BARD1: variants seen among roughly 807,000 people sequenced by gnomAD.
BARD1 encodes BRCA1-associated RING domain protein 1.
In BARD1, 73 loss-of-function variants were observed where a neutral mutation model predicts 77.0. The observed-to-expected ratio is 0.95, with a 90% CI of 0.79 to 1.15. BARD1 has a LOEUF of 1.15. Among genes scored for constraint, BARD1 ranks in the 50% most tolerant of loss-of-function variants. The pLI is 0.00. For synonymous variants in BARD1, 384 were observed against 338.0 expected (o/e 1.14, Z -1.49); for missense variants, 993 against 938.8 (o/e 1.06, Z -0.75).
At chr2:214,736,160 T>C (rs1692557474) in intron 9 of BARD1, among the ~76,000 whole-genome samples, 2 of 152,070 alleles carry the variant, frequency 1.3e-5, no homozygotes, top group South Asian at 4.1e-4. Context: ...TAAAAACCTT[T>C]CTAATAAAGG....
At chr2:214,796,592 C>A (rs190150767) in intron 2 of BARD1, among the ~76,000 whole-genome samples, 1 of 152,126 alleles carries the variant, frequency 6.6e-6, no homozygotes, top group Non-Finnish European at 1.5e-5. Context: ...CCAACCCTGT[C>A]ATCATCTTGA....
chr2:214,782,004 C>A (rs7566806), intron 3 of BARD1, among the ~76,000 whole-genome samples: 2 of 151,740 alleles, frequency 1.3e-5, no homozygotes, highest in African/African-American at 4.8e-5. Context: ...AAAATTTACA[C>A]GGAAAAAGAA....
chr2:214,755,798 A>C (rs1451986408), intron 6 of BARD1, among the ~76,000 whole-genome samples: 1 of 152,164 alleles, frequency 6.6e-6, no homozygotes, highest in African/African-American at 2.4e-5. Context: ...TACAGACACA[A>C]AGCGTATGTT....
At chr2:214,779,163 G>A (rs141368868) in intron 4 of BARD1, among the ~76,000 whole-genome samples, 10 of 152,184 alleles carry the variant, frequency 6.6e-5, no homozygotes, top group African/African-American at 2.4e-4. Context: ...ATGTTGTAAG[G>A]TCCCTGCCTC....
At chr2:214,790,208 C>T (rs1336953084) in intron 3 of BARD1, among the ~76,000 whole-genome samples, 1 of 152,090 alleles carries the variant, frequency 6.6e-6, no homozygotes, top group African/African-American at 2.4e-5. Flanking sequence ...AAGGGTTACC[C>T]TGCTCTCCAT....
intron 7 of BARD1, among the ~76,000 whole-genome samples, chr2:214,751,117 GTA>G (rs1216095030): frequency 4.2e-3 from 68 of 16,248 alleles, no homozygotes; most frequent in African/African-American, 9.2e-3. Flanking sequence ...GTGTGTGTGT[GTA>G]TATATATATA....
chr2:214,807,531 A>G (rs1696329267), intron 1 of BARD1, among the ~76,000 whole-genome samples: 1 of 152,198 alleles, frequency 6.6e-6, no homozygotes, highest in African/African-American at 2.4e-5. Context: ...ACCAAACTCA[A>G]TACTTTACAT....
Position 214,728,745 on chromosome 2 carries a change from G to T in BARD1, c.2265C>A (p.Val755=), listed in dbSNP as rs13389324. ...TAAACCAGCTCGAAGGAGCCTTCCAGACTTTGCCCTGCCGAACCCTCTCTG... is the reference window on the plus strand; with the variant it reads ...TAAACCAGCTCGAAGGAGCCTTCCATACTTTGCCCTGCCGAACCCTCTCTG... ...YHPERVRQGK[V]WKAPSSWFID... The change falls in exon 11 of 11, where the codon GTC becomes GTA. Residue 755 remains valine (V), a synonymous_variant. Transcript: ENST00000260947. The T allele has an allele frequency of 6.2e-7, 1 of 1,614,056 alleles. No homozygotes were observed. The highest frequency in any genetic ancestry group is 1.3e-5 in the African/African-American group (1 of 74,920).
rs1020097535 is a variant in BARD1, at chr2:214,745,085, A to T, written c.1885T>A (p.Trp629Arg). 2.5e-6 allele frequency: 4 copies of T among 1,613,824 alleles called. No homozygotes were observed. Among genetic ancestry groups the T allele is most frequent in the Non-Finnish European group, 3.4e-6 (4 of 1,179,858 alleles). ...KCMLGILNGC[W>R]ILKFEWVKAC... Reference sequence around the variant, plus strand: ...CACTTACATTCAAATTTTAGAATCCAGCATCCATTGAGAATCCCAAGCATA... The same window carrying T: ...CACTTACATTCAAATTTTAGAATCCTGCATCCATTGAGAATCCCAAGCATA... Residue 629 changes from tryptophan (W) to arginine (R), a missense_variant, in exon 9 of 11, where the codon TGG (tryptophan) becomes AGG (arginine). By Grantham distance (101) the Trp-to-Arg change is moderately radical (BLOSUM62 -3). Coordinates refer to ENST00000260947, the MANE Select transcript of BARD1 (RefSeq NM_000465.4).
intron 9 of BARD1, among the ~76,000 whole-genome samples, chr2:214,742,568 C>T (rs1161369417): frequency 2.0e-5 from 3 of 152,032 alleles, no homozygotes; most frequent in African/African-American, 7.2e-5. Flanking sequence ...CTAAAAGAAC[C>T]ATTGATATTA....
intron 5 of BARD1, 50 bp from the exon 6 acceptor site, chr2:214,767,704 A>G (rs1694282261): frequency 2.0e-6 from 3 of 1,507,430 alleles, no homozygotes; most frequent in East Asian, 2.3e-5. Flanking sequence ...AGAAAGAGCA[A>G]TGGATGATAT....
chr2:214,763,892 A>G (rs1171716913), intron 6 of BARD1, among the ~76,000 whole-genome samples: 21 of 152,164 alleles, frequency 1.4e-4, no homozygotes, highest in Non-Finnish European at 4.4e-5. Flanking sequence ...GCAGGAATAA[A>G]TTTCATCTAT....
chr2:214,793,851 A>C (rs1226966079), intron 2 of BARD1, among the ~76,000 whole-genome samples: 1 of 152,170 alleles, frequency 6.6e-6, no homozygotes, highest in Non-Finnish European at 1.5e-5. Context: ...CATGCTGAGT[A>C]ACAGATAAAT....
intron 9 of BARD1, among the ~76,000 whole-genome samples, chr2:214,735,449 A>ACAT (rs1559378185): frequency 6.6e-6 from 1 of 152,162 alleles, no homozygotes; most frequent in Non-Finnish European, 1.5e-5. Context: ...AAGCACTGTG[A>ACAT]GTATTGATTT....
intron 9 of BARD1, among the ~76,000 whole-genome samples, chr2:214,736,389 A>G (rs540418498): frequency 6.6e-6 from 1 of 152,212 alleles, no homozygotes. Flanking sequence ...TTACGTAAGC[A>G]GGTATTCCCC....
At chr2:214,790,403 T>C (rs184397482) in intron 3 of BARD1, among the ~76,000 whole-genome samples, 126 of 152,184 alleles carry the variant, frequency 8.3e-4, no homozygotes, top group African/African-American at 3.0e-3. Flanking sequence ...GCAATATGAC[T>C]CCTGTCCTTT....
intron 9 of BARD1, chr2:214,730,929 C>T: frequency 2.2e-6 from 1 of 456,200 alleles, no homozygotes. Flanking sequence ...CTCATTTTGA[C>T]AGTTATATGT....
At position 214,752,509 on chromosome 2, in the gene BARD1, T is replaced by C. The variant is rs587782009; in HGVS notation, c.1615A>G (p.Met539Val). 8 of 1,613,720 alleles carry C rather than the reference T, an allele frequency of 5.0e-6. No individual in the cohort carries two copies. Among genetic ancestry groups the C allele is most frequent in the Admixed American group, 1.7e-5 (1 of 59,988 alleles). Residue 539 changes from methionine to valine, a missense_variant, in exon 7 of 11, where the codon ATG (methionine) becomes GTG (valine). Coordinates refer to ENST00000260947, the MANE Select transcript of BARD1 (RefSeq NM_000465.4). ...RPVDYTDDES[M>V]KSLLLLPEKN... ...TCTGGTAGCAGCAATAGCGATTTCA[T>C]ACTTTCATCATCTGTATAATCGACA...
intron 3 of BARD1, among the ~76,000 whole-genome samples, chr2:214,787,208 G>C (rs976625853): frequency 4.0e-5 from 6 of 151,716 alleles, no homozygotes; most frequent in African/African-American, 1.5e-4. Flanking sequence ...ATATATAGCA[G>C]CAACATACTC....
Sources: allele counts gnomAD v4.1 joint callset (sites outside exome capture counted in the v4.1 genomes callset), GRCh38; gene constraint gnomAD v4.1.1; transcripts MANE v1.5; gene names NCBI Gene and HGNC (gene_info 2026-07-23, HGNC 2026-07-21).